B3GALT1: variants seen among roughly 807,000 people sequenced by gnomAD.
The protein encoded by B3GALT1 is beta-1,3-galactosyltransferase 1.
B3GALT1 carries 10 observed loss-of-function variants against 23.2 expected under a neutral mutation model. The ratio of observed to expected loss-of-function variants is 0.43; its 90% CI spans 0.27 to 0.73. B3GALT1 has a LOEUF of 0.73. B3GALT1 is among the 30% of genes least tolerant of loss of function. B3GALT1 has a pLI of 0.21. For synonymous variants in B3GALT1, 156 were observed against 141.5 expected (o/e 1.10, Z -0.73); for missense variants, 299 against 405.4 (o/e 0.74, Z 2.25).
intron 2 of B3GALT1, among the ~76,000 whole-genome samples, chr2:167,626,664 A>AAT (rs761942124): frequency 1.2e-3 from 187 of 151,904 alleles, no homozygotes; most frequent in Non-Finnish European, 1.8e-3. Flanking sequence ...TCTTTCTGTT[A>AAT]ATATCAATTT....
At chr2:167,729,196 C>T (rs902240843) in intron 3 of B3GALT1, among the ~76,000 whole-genome samples, 1 of 152,158 alleles carries the variant, frequency 6.6e-6, no homozygotes, top group Non-Finnish European at 1.5e-5. Flanking sequence ...CTTGCTCACT[C>T]ACAGGGACAC....
intron 2 of B3GALT1, among the ~76,000 whole-genome samples, chr2:167,630,889 T>A (rs1349296984): frequency 6.6e-6 from 1 of 151,676 alleles, no homozygotes; most frequent in Non-Finnish European, 1.5e-5. Flanking sequence ...TGTGTACAAC[T>A]TTCTTGCTCC....
chr2:167,448,189 G>A (rs1699032060), intron 1 of B3GALT1, among the ~76,000 whole-genome samples: 1 of 152,082 alleles, frequency 6.6e-6, no homozygotes, highest in Non-Finnish European at 1.5e-5. Context: ...GTTCTTTAAG[G>A]GATATCCTCA....
chr2:167,393,018 A>C (rs1698039459), intron 1 of B3GALT1, among the ~76,000 whole-genome samples: 1 of 152,080 alleles, frequency 6.6e-6, no homozygotes, highest in South Asian at 2.1e-4. Context: ...GTGGATCACG[A>C]AGTCAGCAGA....
intron 1 of B3GALT1, among the ~76,000 whole-genome samples, chr2:167,333,058 A>G (rs1696999015): frequency 6.6e-6 from 1 of 152,224 alleles, no homozygotes; most frequent in African/African-American, 2.4e-5. Flanking sequence ...ATTCTAGGTA[A>G]TGATGGCAAA....
intron 1 of B3GALT1, among the ~76,000 whole-genome samples, chr2:167,458,653 C>T (rs1262601116): frequency 6.6e-6 from 1 of 152,156 alleles, no homozygotes; most frequent in Non-Finnish European, 1.5e-5. Context: ...CATGCTAATG[C>T]GTATGAAGTG....
chr2:167,434,747 T>G lies in B3GALT1; in HGVS notation c.-510-55430T>G, dbSNP rs559723937. Among the ~76,000 whole-genome samples, 8 of 141,060 alleles carry G rather than the reference T, an allele frequency of 5.7e-5. 1 individual carries two copies. The highest frequency in any genetic ancestry group is 2.0e-4 in the African/African-American group (8 of 39,722). The allele number at this position is 141,060 out of a possible 152,430, so 92.5% of individuals were successfully genotyped here. A position where few individuals can be genotyped will look rare whatever the true frequency, so the allele number is the denominator to read the frequency against. ...TATTTTTTCCCTTCAACTTATTTGT[T>G]GAAGAAATAGTTATTTCTAGAGTTA... On this transcript the variant is annotated intron_variant, in intron 1 of 4. Transcript: ENST00000392690.
intron 2 of B3GALT1, among the ~76,000 whole-genome samples, chr2:167,587,546 T>C (rs1218596378): frequency 1.3e-5 from 2 of 152,222 alleles, no homozygotes; most frequent in Non-Finnish European, 2.9e-5. Context: ...CTCTTGTTTA[T>C]TGAAGCTAGC....
In B3GALT1 at chr2:167,673,267, G is replaced by A. The variant is rs192238641; in HGVS notation, c.-352+26301G>A. On this transcript the variant is annotated intron_variant, in intron 3 of 4. Transcript: ENST00000392690. ...TAAAAAGCAGGTTTCTGATCACCTT[G>A]TTGTGAGTCATAAACGATAAACCAA... 6.4e-4 allele frequency among the ~76,000 whole-genome samples: 97 copies of A among 152,222 alleles called. 1 individual carries two copies. The highest frequency in any genetic ancestry group is 2.8e-4 in the Non-Finnish European group (19 of 67,962).
chr2:167,533,970 T>C (rs1683373267), intron 2 of B3GALT1, among the ~76,000 whole-genome samples: 1 of 152,002 alleles, frequency 6.6e-6, no homozygotes, highest in Non-Finnish European at 1.5e-5. Flanking sequence ...TCTACTGTCT[T>C]CTAAACTCCA....
intron 1 of B3GALT1, among the ~76,000 whole-genome samples, chr2:167,403,404 T>C (rs2105290481): frequency 6.6e-6 from 1 of 152,180 alleles, no homozygotes; most frequent in South Asian, 2.1e-4. Context: ...TGCCACGTTT[T>C]CTTAATCCAG....
In B3GALT1 at chr2:167,714,156, C is replaced by T. The variant is rs151242380; in HGVS notation, c.-352+67190C>T. On this transcript the variant is annotated intron_variant, in intron 3 of 4. Transcript: ENST00000392690. ...GGCATATTAAAACTTCTGAGTTCTG[C>T]TGGTCCAGACAGTCTATCAGAATTA... is the stretch of plus-strand genomic sequence containing the variant. 2,172 of 1,521,494 alleles carry T rather than the reference C, an allele frequency of 1.4e-3. 32 individuals are homozygous for T. In the South Asian group the frequency reaches 0.016, roughly 11 times the overall value. 94.2% of individuals were successfully genotyped at this position (1,521,494 alleles called of 1,614,324 possible). A position where few individuals can be genotyped will look rare whatever the true frequency, so the allele number is the denominator to read the frequency against.
At chr2:167,686,771 G>T (rs1017913217) in intron 3 of B3GALT1, among the ~76,000 whole-genome samples, 7 of 152,096 alleles carry the variant, frequency 4.6e-5, no homozygotes, top group South Asian at 4.1e-4. Flanking sequence ...AATATGTAAG[G>T]CTCCAAGAGA....
chr2:167,633,786 C>CA (rs979600733), intron 2 of B3GALT1, among the ~76,000 whole-genome samples: 2 of 152,052 alleles, frequency 1.3e-5, no homozygotes, highest in African/African-American at 4.8e-5. Flanking sequence ...GACAGAACGA[C>CA]AAGACAGAAA....
chr2:167,761,756 T>A (rs1043953280), intron 3 of B3GALT1, among the ~76,000 whole-genome samples: 1 of 152,192 alleles, frequency 6.6e-6, no homozygotes, highest in African/African-American at 2.4e-5. Flanking sequence ...GATAAGAAAT[T>A]GATTATCTTC....
intron 1 of B3GALT1, among the ~76,000 whole-genome samples, chr2:167,325,597 A>G (rs1696879556): frequency 6.6e-6 from 1 of 151,644 alleles, no homozygotes; most frequent in African/African-American, 2.4e-5. Context: ...TTACAATTCC[A>G]CATGAGATTT....
intron 1 of B3GALT1, among the ~76,000 whole-genome samples, chr2:167,456,381 A>G (rs1181837365): frequency 2.6e-5 from 4 of 152,220 alleles, no homozygotes; most frequent in African/African-American, 9.7e-5. Context: ...GGCCCCACCT[A>G]CAACATTGGG....
In B3GALT1 at chr2:167,663,214, G is replaced by T. The variant is rs1319614822; in HGVS notation, c.-352+16248G>T. Among the ~76,000 whole-genome samples, 20 of 149,238 alleles carry T rather than the reference G, an allele frequency of 1.3e-4. No homozygotes were observed. The East Asian group carries it at 3.0e-3, about 22-fold the overall frequency. On this transcript the variant is annotated intron_variant, in intron 3 of 4. Transcript: ENST00000392690. ...TATGAGTGAGAATATGCGGTGTTTG[G>T]TTTTTTGTTCTTGCGATAGTTTACT...
chr2:167,737,144 G>A (rs546883705), intron 3 of B3GALT1, among the ~76,000 whole-genome samples: 1 of 152,288 alleles, frequency 6.6e-6, no homozygotes, highest in African/African-American at 2.4e-5. Flanking sequence ...TTGAGGAGGT[G>A]AAAAGAGTAT....
Sources: allele counts gnomAD v4.1 joint callset (sites outside exome capture counted in the v4.1 genomes callset), GRCh38; gene constraint gnomAD v4.1.1; transcripts MANE v1.5; gene names NCBI Gene and HGNC (gene_info 2026-07-23, HGNC 2026-07-21).